Variants in CCDC192 observed in about 807,000 individuals in gnomAD.
CCDC192 encodes the protein coiled-coil domain containing 192.
chr5:127,904,518 T>TC, intron 6 of CCDC192, among the ~76,000 whole-genome samples: 1 of 129,648 alleles, frequency 7.7e-6, no homozygotes, highest in African/African-American at 3.2e-5. Context: ...TTTTTTTTTT[T>TC]CTGAGACTGA....
intron 6 of CCDC192, among the ~76,000 whole-genome samples, chr5:127,933,907 G>A (rs1038052226): frequency 3.9e-5 from 6 of 152,138 alleles, no homozygotes; most frequent in Admixed American, 6.5e-5. Flanking sequence ...TGAACGTGCC[G>A]GCACTTTGAT....
intron 6 of CCDC192, among the ~76,000 whole-genome samples, chr5:127,915,011 T>C (rs1460108698): frequency 6.6e-6 from 1 of 152,160 alleles, no homozygotes; most frequent in Non-Finnish European, 1.5e-5. Context: ...TTCCTGACAA[T>C]AGAAAACTAA....
At chr5:127,924,591 T>C (rs1227262041) in intron 6 of CCDC192, among the ~76,000 whole-genome samples, 2 of 152,198 alleles carry the variant, frequency 1.3e-5, no homozygotes, top group African/African-American at 4.8e-5. Context: ...CAAGGGTATG[T>C]TGTGACCCCA....
At chr5:127,728,223 A>G (rs1394333586) in intron 2 of CCDC192, among the ~76,000 whole-genome samples, 1 of 152,160 alleles carries the variant, frequency 6.6e-6, no homozygotes, top group Non-Finnish European at 1.5e-5. Context: ...GAAAAGGTCA[A>G]CCCCAAGACA....
chr5:127,727,229 T>G (rs1459069007), intron 2 of CCDC192, among the ~76,000 whole-genome samples: 1 of 152,084 alleles, frequency 6.6e-6, no homozygotes, highest in Non-Finnish European at 1.5e-5. Flanking sequence ...CCCAACACTT[T>G]GGGAGGCCAC....
intron 5 of CCDC192, among the ~76,000 whole-genome samples, chr5:127,871,459 A>G (rs1751856598): frequency 1.3e-5 from 2 of 152,216 alleles, no homozygotes; most frequent in Non-Finnish European, 2.9e-5. Flanking sequence ...TGTTTTAGTG[A>G]AGAGTTGAAA....
intron 1 of CCDC192, among the ~76,000 whole-genome samples, chr5:127,706,356 G>A (rs533373563): frequency 4.6e-5 from 7 of 151,762 alleles, no homozygotes; most frequent in African/African-American, 1.7e-4. Context: ...GTGAAACCCC[G>A]TCTCTACCAA....
chr5:127,772,926 G>A (rs1203739960), intron 3 of CCDC192, among the ~76,000 whole-genome samples: 1 of 152,170 alleles, frequency 6.6e-6, no homozygotes, highest in East Asian at 1.9e-4. Context: ...GGAAGGTGAG[G>A]GAATAGCTAT....
chr5:127,722,925 T>C (rs559414720), intron 2 of CCDC192, among the ~76,000 whole-genome samples: 46 of 152,330 alleles, frequency 3.0e-4, no homozygotes, highest in African/African-American at 1.1e-3. Context: ...GCTCAGGGTA[T>C]CTTTGGCTAT....
At chr5:127,737,005 C>A (rs947381506) in intron 2 of CCDC192, among the ~76,000 whole-genome samples, 43 of 150,738 alleles carry the variant, frequency 2.9e-4, no homozygotes, top group Admixed American at 1.6e-3. Flanking sequence ...TTTTCTAGTT[C>A]TTTTAATTGT....
chr5:127,908,320 T>C (rs189437017), intron 6 of CCDC192, among the ~76,000 whole-genome samples: 1 of 152,308 alleles, frequency 6.6e-6, no homozygotes, highest in Admixed American at 6.5e-5. Flanking sequence ...CAAATCAGTT[T>C]CTCCCCTTAG....
intron 5 of CCDC192, among the ~76,000 whole-genome samples, chr5:127,809,284 A>G (rs1757953022): frequency 6.6e-6 from 1 of 151,830 alleles, no homozygotes; most frequent in African/African-American, 2.4e-5. Flanking sequence ...GAGAATATAT[A>G]TTTGAATAAA....
intron 3 of CCDC192, among the ~76,000 whole-genome samples, chr5:127,778,761 C>A (rs1233057635): frequency 5.3e-5 from 8 of 151,706 alleles, no homozygotes; most frequent in Non-Finnish European, 1.0e-4. Flanking sequence ...CTTTTCTTTT[C>A]TTTTCTTTTT....
At chr5:127,840,744 A>G (rs947125047) in intron 5 of CCDC192, among the ~76,000 whole-genome samples, 1 of 152,226 alleles carries the variant, frequency 6.6e-6, no homozygotes, top group Non-Finnish European at 1.5e-5. Flanking sequence ...TAAGAGCAAG[A>G]CTAGTGAAAG....
intron 1 of CCDC192, among the ~76,000 whole-genome samples, chr5:127,706,080 T>C (rs1217230934): frequency 6.6e-6 from 1 of 152,192 alleles, no homozygotes; most frequent in African/African-American, 2.4e-5. Flanking sequence ...TGTTCAGTAG[T>C]CACTGATTAC....
intron 5 of CCDC192, among the ~76,000 whole-genome samples, chr5:127,853,995 G>T (rs1696631794): frequency 6.6e-6 from 1 of 152,068 alleles, no homozygotes; most frequent in Non-Finnish European, 1.5e-5. Context: ...AGGCACCATG[G>T]CACCTTCATC....
intron 6 of CCDC192, among the ~76,000 whole-genome samples, chr5:127,907,792 G>T (rs1753241071): frequency 6.6e-6 from 1 of 152,168 alleles, no homozygotes; most frequent in African/African-American, 2.4e-5. Flanking sequence ...GTATGCTGGT[G>T]ACTCTTCTCT....
intron 3 of CCDC192, chr5:127,784,527 G>C (rs1756424463): frequency 2.7e-6 from 1 of 373,060 alleles, no homozygotes; most frequent in Non-Finnish European, 5.1e-6. Context: ...ATGGTGGCAG[G>C]CTGGCTGCTG....
intron 5 of CCDC192, among the ~76,000 whole-genome samples, chr5:127,806,134 C>G (rs1195770243): frequency 6.6e-6 from 1 of 152,184 alleles, no homozygotes; most frequent in Non-Finnish European, 1.5e-5. Context: ...TGGAGCCCCA[C>G]CAGGATATTA....
Sources: allele counts gnomAD v4.1 joint callset (sites outside exome capture counted in the v4.1 genomes callset), GRCh38; gene constraint gnomAD v4.1.1; transcripts MANE v1.5; gene names NCBI Gene and HGNC (gene_info 2026-07-23, HGNC 2026-07-21).